COL5A2: variants seen among roughly 807,000 people sequenced by gnomAD.
The protein encoded by COL5A2 is collagen type V alpha 2 chain, also known as collagen alpha-2(V) chain.
In COL5A2, 23 loss-of-function variants were observed where a neutral mutation model predicts 208.2. The observed-to-expected ratio is 0.11, with a 90% CI of 0.08 to 0.16. The LOEUF (loss-of-function observed/expected upper bound fraction) is 0.16. Among genes scored for constraint, COL5A2 ranks in the 10% least tolerant of loss-of-function variants. COL5A2 has a pLI of 1.00. For synonymous variants in COL5A2, 625 were observed against 628.5 expected (o/e 0.99, Z 0.08); for missense variants, 1,590 against 1,956.4 (o/e 0.81, Z 3.53).
At chr2:189,273,453 A>G in the COL5A2 span, among the ~76,000 whole-genome samples, 4 of 152,170 alleles carry the variant, frequency 2.6e-5, no homozygotes, top group Non-Finnish European at 2.9e-5. Context: ...TCATCAAAAA[A>G]TTAAAAATAG....
chr2:189,386,983 C>T, the COL5A2 span, among the ~76,000 whole-genome samples: 122,114 of 152,070 alleles, frequency 0.8, 50,507 homozygotes, highest in Non-Finnish European at 0.91. Context: ...CAAAGGAATA[C>T]AGATCATTCC....
In COL5A2 at chr2:189,175,258, G is replaced by A. The variant is rs114979579; in HGVS notation, c.97+4250C>T. Among the ~76,000 whole-genome samples, 352 of 152,250 alleles carry A rather than the reference G, an allele frequency of 2.3e-3. 3 individuals carry two copies. The highest frequency in any genetic ancestry group is 8.1e-3 in the African/African-American group (335 of 41,534). On this transcript the variant is annotated intron_variant, in intron 1 of 53. Transcript: ENST00000374866. Reference sequence around the variant, plus strand: ...CTAAATTCCGGCCAACTGTAAGTAAGTTTAAATGTTATGAAGACTTTAAAG... The same window carrying A: ...CTAAATTCCGGCCAACTGTAAGTAAATTTAAATGTTATGAAGACTTTAAAG...
chr2:189,192,790 G>T (rs912399512), intron 1 of COL5A2, among the ~76,000 whole-genome samples: 4 of 152,190 alleles, frequency 2.6e-5, no homozygotes, highest in African/African-American at 9.6e-5. Context: ...CATTGTAACA[G>T]TATTAAGAAT....
chr2:189,210,033 G>A (rs1412877472), intron 1 of COL5A2, among the ~76,000 whole-genome samples: 1 of 152,130 alleles, frequency 6.6e-6, no homozygotes, highest in Admixed American at 6.5e-5. Flanking sequence ...TTTTCAGGCC[G>A]TTAAATATAA....
Position 189,035,036 on chromosome 2 carries a change from G to A in COL5A2, c.4233C>T (p.Tyr1411=). 1.2e-6 allele frequency: 2 copies of A among 1,613,820 alleles called. No individual in the cohort carries two copies. The highest frequency in any genetic ancestry group is 1.7e-6 in the Non-Finnish European group (2 of 1,179,864). The change falls in exon 53 of 54, where the codon TAC becomes TAT. Residue 1411 remains tyrosine, a synonymous_variant. Coordinates refer to ENST00000374866, the MANE Select transcript of COL5A2 (RefSeq NM_000393.5). ...TGAGGTTCTTAGCTTGATCGTCCATGTATCCTACACTGTTTTTACAGATGT... is the reference window on the plus strand; with the variant it reads ...TGAGGTTCTTAGCTTGATCGTCCATATATCCTACACTGTTTTTACAGATGT... ...ITYICKNSVG[Y]MDDQAKNLKK...
chr2:189,194,213 T>C (rs1223378492), intron 1 of COL5A2, among the ~76,000 whole-genome samples: 4 of 152,190 alleles, frequency 2.6e-5, no homozygotes, highest in Non-Finnish European at 5.9e-5. Context: ...AATACTGCTC[T>C]ACACTATGGT....
At chr2:189,104,319 C>A (rs1451212798) in intron 2 of COL5A2, 42 bp from the exon 3 acceptor site, 2 of 1,314,138 alleles carry the variant, frequency 1.5e-6, no homozygotes, top group Admixed American at 1.7e-5. Flanking sequence ...TATGAGGAAA[C>A]AATTATTGAG....
rs114616689 is a variant in COL5A2, at chr2:189,084,453, G to T, written c.799-416C>A. On this transcript the variant is annotated intron_variant, in intron 11 of 53. Transcript: ENST00000374866. ...TCCATTTCTTTCCTGTGGTTAAAAA[G>T]AAAAGACTATCAGAAATATGTGCTC... Among the ~76,000 whole-genome samples, 1,096 of 152,206 alleles carry T rather than the reference G, an allele frequency of 7.2e-3. 11 individuals are homozygous for T. Among genetic ancestry groups the T allele is most frequent in the African/African-American group, 0.025 (1,022 of 41,550 alleles).
chr2:189,290,060 C>T, the COL5A2 span, among the ~76,000 whole-genome samples: 1 of 152,182 alleles, frequency 6.6e-6, no homozygotes, highest in Non-Finnish European at 1.5e-5. Flanking sequence ...GGAGGCATCA[C>T]ACTACCTGAC....
chr2:189,102,570 T>C (rs1293547725), intron 3 of COL5A2, among the ~76,000 whole-genome samples: 1 of 151,858 alleles, frequency 6.6e-6, no homozygotes, highest in Non-Finnish European at 1.5e-5. Context: ...AACATAAAGT[T>C]CATGTACTCA....
chr2:189,102,141 G>C (rs973856513), intron 3 of COL5A2, among the ~76,000 whole-genome samples: 1 of 151,980 alleles, frequency 6.6e-6, no homozygotes, highest in African/African-American at 2.4e-5. Context: ...AGGAAGACTA[G>C]AAGAACAAAT....
In COL5A2 at chr2:189,211,296, T is replaced by C. The variant is rs1416359338; in HGVS notation, c.-42+13852A>G. On this transcript the variant is annotated intron_variant, in intron 1 of 10. Coordinates refer to the COL5A2 transcript ENST00000649966. ...ATCCTATAATGACGTTCACTAAATA[T>C]TGTTCATCAGTAAAACTTACCAAAC... 2.0e-5 allele frequency among the ~76,000 whole-genome samples: 3 copies of C among 152,172 alleles called. No homozygotes were observed. The East Asian group carries it at 5.8e-4, about 29-fold the overall frequency.
At chr2:189,405,125 T>C in the COL5A2 span, among the ~76,000 whole-genome samples, 1 of 152,194 alleles carries the variant, frequency 6.6e-6, no homozygotes. Flanking sequence ...TTAACCATTA[T>C]TATCAATATT....
At chr2:189,169,390 T>C (rs1208942388) in intron 1 of COL5A2, among the ~76,000 whole-genome samples, 1 of 152,142 alleles carries the variant, frequency 6.6e-6, no homozygotes, top group Non-Finnish European at 1.5e-5. Context: ...CATTAGAAAC[T>C]CTCCATTGGG....
chr2:189,295,840 T>C, the COL5A2 span, among the ~76,000 whole-genome samples: 1 of 152,206 alleles, frequency 6.6e-6, no homozygotes, highest in African/African-American at 2.4e-5. Flanking sequence ...GAAAATGTAC[T>C]GTTTTATAAA....
chr2:189,336,388 T>C, the COL5A2 span, among the ~76,000 whole-genome samples: 1 of 152,138 alleles, frequency 6.6e-6, no homozygotes, highest in Non-Finnish European at 1.5e-5. Context: ...CCAAGGAATA[T>C]AAAAACATTA....
the COL5A2 span, among the ~76,000 whole-genome samples, chr2:189,435,396 A>C: frequency 3.9e-5 from 6 of 152,324 alleles, no homozygotes; most frequent in East Asian, 1.2e-3. Flanking sequence ...GGCAACCTAC[A>C]GAATGGGAGA....
Position 189,196,555 on chromosome 2 carries a change from T to C in COL5A2, c.-42+28593A>G, listed in dbSNP as rs534141576. Among the ~76,000 whole-genome samples, 34 of 149,110 alleles carry C rather than the reference T, an allele frequency of 2.3e-4. No individual in the cohort carries two copies. The East Asian group carries it at 6.6e-3, about 29-fold the overall frequency. On this transcript the variant is annotated intron_variant, in intron 1 of 10. Transcript: ENST00000649966. Reference sequence around the variant, plus strand: ...CCATATTGTTAGAATCCAGCTTACTTAGCTACCCTATAACCTAAACTTTCT... The same window carrying C: ...CCATATTGTTAGAATCCAGCTTACTCAGCTACCCTATAACCTAAACTTTCT...
chr2:189,288,364 T>C, the COL5A2 span, among the ~76,000 whole-genome samples: 1 of 152,210 alleles, frequency 6.6e-6, no homozygotes, highest in African/African-American at 2.4e-5. Context: ...AAGAATGATG[T>C]ATTTTCTTAA....
Sources: gnomAD v4.1 joint callset for allele counts (sites outside exome capture counted in the v4.1 genomes callset) on GRCh38, gnomAD v4.1.1 for gene constraint, MANE v1.5 for transcripts, NCBI Gene and HGNC (gene_info 2026-07-23, HGNC 2026-07-21) for gene names.